The following UBAC2 variants were observed in gnomAD, a reference collection of about 807,000 sequenced individuals.
UBAC2 encodes ubiquitin-associated domain-containing protein 2.
In UBAC2, 26 loss-of-function variants were observed where a neutral mutation model predicts 44.0. The ratio of observed to expected loss-of-function variants is 0.59; its 90% CI spans 0.43 to 0.82. The LOEUF (loss-of-function observed/expected upper bound fraction) is 0.82, where lower values mean the gene tolerates loss of function less well. Among genes scored for constraint, UBAC2 ranks in the 40% least tolerant of loss-of-function variants. UBAC2 has a pLI of 0.00. For synonymous variants in UBAC2, 155 were observed against 154.3 expected, an observed-to-expected ratio of 1.00 and a Z score of -0.04; for missense variants, 329 against 419.4, an observed-to-expected ratio of 0.78 and a Z score of 1.88.
At chr13:99,338,037 TTCTTTTTTTC>T (rs2044817682) in intron 6 of UBAC2, among the ~76,000 whole-genome samples, 1 of 44,078 alleles carries the variant, frequency 2.3e-5, no homozygotes, top group African/African-American at 6.0e-5. Flanking sequence ...CTAACTTTTT[TTCTTTTTTTC>T]TTTTTTTTTT....
chr13:99,232,405 G>GATATATATATATAT (rs145868043), intron 1 of UBAC2, among the ~76,000 whole-genome samples: 6 of 117,862 alleles, frequency 5.1e-5, no homozygotes, highest in African/African-American at 1.7e-4. Context: ...GAGAGATATA[G>GATATATATATATAT]ATATATATAT....
rs368466610 is a variant in UBAC2 at position 99,378,086 on chromosome 13, T to C, written c.928-7142T>C. On this transcript the variant is annotated intron_variant, in intron 8 of 8. Transcript: ENST00000403766. The stretch of plus-strand genomic sequence containing the variant: ...TTCAGTAAGCCCATCACATATTTTC[T>C]CTGTGTCGTCTGTAGACACTTTTTC... Among the ~76,000 whole-genome samples, 3 of 152,254 alleles carry C rather than the reference T, an allele frequency of 2.0e-5. No individual in the cohort carries two copies. The East Asian group carries it at 5.8e-4, about 29-fold the overall frequency.
At chr13:99,381,723 C>T (rs1470079647) in intron 8 of UBAC2, among the ~76,000 whole-genome samples, 4 of 152,202 alleles carry the variant, frequency 2.6e-5, no homozygotes, top group Non-Finnish European at 5.9e-5. Flanking sequence ...CATATCCAGC[C>T]TGAGTCCTCC....
rs2043265157 is a variant in UBAC2 at position 99,238,494 on chromosome 13, C to T, written c.99C>T (p.Leu33=). 1.2e-6 allele frequency: 2 copies of T among 1,614,012 alleles called. No individual in the cohort carries two copies. The highest frequency in any genetic ancestry group is 1.7e-6 in the Non-Finnish European group (2 of 1,179,938). ...CCCTCTCCCTCCTGCTCGCCCTCCT[C>T]CTGCCTCACTGCCAGAAGCTCTTTG... ...PSALSLLLAL[L]LPHCQKLFVY... is the part of the protein sequence containing the mutation. The change falls in exon 2 of 9, where the codon CTC becomes CTT. Residue 33 remains leucine, a synonymous_variant. Transcript: ENST00000403766.
chr13:99,325,269 A>C (rs185101507), intron 6 of UBAC2, among the ~76,000 whole-genome samples: 1 of 151,584 alleles, frequency 6.6e-6, no homozygotes, highest in African/African-American at 2.4e-5. Flanking sequence ...TGCCCAGCTA[A>C]TTTTTTTGTG....
chr13:99,376,880 T>C (rs2138919669), intron 8 of UBAC2: 1 of 152,328 alleles, frequency 6.6e-6, no homozygotes, highest in Non-Finnish European at 1.5e-5. Flanking sequence ...GAACACCTTT[T>C]TAGAAAATTT....
At chr13:99,204,044 G>A (rs575594637) in intron 1 of UBAC2, among the ~76,000 whole-genome samples, 4 of 152,270 alleles carry the variant, frequency 2.6e-5, no homozygotes, top group South Asian at 4.1e-4. Context: ...TCAGCTCTAC[G>A]TTGAGTAATA....
chr13:99,317,610 A>G (rs1243562389), intron 5 of UBAC2, among the ~76,000 whole-genome samples: 1 of 152,226 alleles, frequency 6.6e-6, no homozygotes, highest in African/African-American at 2.4e-5. Flanking sequence ...TTAAAATGAG[A>G]AAGTTATTTA....
chr13:99,318,084 C>A lies in UBAC2; in HGVS notation c.561+15C>A, dbSNP rs746227780. 4.4e-6 allele frequency: 7 copies of A among 1,604,036 alleles called. No individual in the cohort carries two copies. The highest frequency in any genetic ancestry group is 1.3e-5 in the African/African-American group (1 of 74,468). On this transcript the variant is annotated intron_variant, in intron 6 of 8. Coordinates refer to ENST00000403766, the MANE Select transcript of UBAC2 (RefSeq NM_001144072.2). ...TAAGTGGACTTGTAAGTGTGACTAC[C>A]CTTTTACACCCAATTCTCTCTCTCT...
Position 99,237,354 on chromosome 13 carries a change from G to A in UBAC2, c.32-1073G>A, listed in dbSNP as rs73565932. 4.3e-3 allele frequency among the ~76,000 whole-genome samples: 658 copies of A among 151,954 alleles called. 5 individuals are homozygous for A. Among genetic ancestry groups the A allele is most frequent in the African/African-American group, 0.015 (634 of 41,450 alleles). ...AAATCCTGTCATTTGCAGCCACATG[G>A]ATGGAACTAGAAGACATGTAAGTGA... is the stretch of plus-strand genomic sequence containing the variant. On this transcript the variant is annotated intron_variant, in intron 1 of 8. Transcript: ENST00000403766.
intron 4 of UBAC2, among the ~76,000 whole-genome samples, chr13:99,257,472 G>A (rs796646610): frequency 6.6e-6 from 1 of 151,930 alleles, no homozygotes; most frequent in African/African-American, 2.4e-5. Context: ...AAACCATCTT[G>A]AGTCTTTTTT....
chr13:99,301,600 G>A (rs762633324), intron 4 of UBAC2, among the ~76,000 whole-genome samples: 9 of 151,532 alleles, frequency 5.9e-5, no homozygotes, highest in Non-Finnish European at 1.2e-4. Flanking sequence ...TTGCATAACC[G>A]GACATGTTGA....
At chr13:99,315,116 A>G (rs112520636) in intron 5 of UBAC2, among the ~76,000 whole-genome samples, 1 of 152,106 alleles carries the variant, frequency 6.6e-6, no homozygotes, top group Non-Finnish European at 1.5e-5. Flanking sequence ...TCAATGGCTC[A>G]TCTGGGGCGT....
At position 99,367,482 on chromosome 13, in the gene UBAC2, C is replaced by T. The variant is rs550059220; in HGVS notation, c.808-305C>T. ...TTGGGACAGTCAGTGGCGTCACAGT[C>T]GGGCTGAAATTAGGAGTGTCTGTAC... On this transcript the variant is annotated intron_variant, in intron 7 of 8. Transcript: ENST00000403766. 7.2e-5 allele frequency among the ~76,000 whole-genome samples: 11 copies of T among 152,208 alleles called. No homozygotes were observed. In the South Asian group the frequency reaches 1.9e-3, roughly 26 times the overall value.
chr13:99,358,435 A>G (rs746579679), intron 7 of UBAC2, among the ~76,000 whole-genome samples: 1 of 152,250 alleles, frequency 6.6e-6, no homozygotes, highest in Non-Finnish European at 1.5e-5. Flanking sequence ...TAAGTCAGAC[A>G]TTAAAGAGAT....
intron 1 of UBAC2, chr13:99,215,489 C>A: frequency 1.0e-5 from 15 of 1,447,716 alleles, no homozygotes; most frequent in Non-Finnish European, 1.4e-5. Context: ...GCACGAATAG[C>A]AAGTTGCAAG....
At chr13:99,247,770 T>G (rs1412952342) in intron 4 of UBAC2, among the ~76,000 whole-genome samples, 1 of 152,194 alleles carries the variant, frequency 6.6e-6, no homozygotes, top group Non-Finnish European at 1.5e-5. Flanking sequence ...CTTTACAGCT[T>G]TCAGTGTTTT....
intron 1 of UBAC2, among the ~76,000 whole-genome samples, chr13:99,232,420 A>ATATT (rs1438082766): frequency 7.0e-6 from 1 of 142,622 alleles, no homozygotes; most frequent in African/African-American, 2.6e-5. Context: ...ATATATATAT[A>ATATT]TTCACACACA....
chr13:99,294,219 G>A (rs914178067), intron 4 of UBAC2, among the ~76,000 whole-genome samples: 3 of 152,138 alleles, frequency 2.0e-5, no homozygotes, highest in African/African-American at 7.2e-5. Context: ...AGTACTAACA[G>A]CTTGGGGGAA....
Sources: allele counts gnomAD v4.1 joint callset (sites outside exome capture counted in the v4.1 genomes callset), GRCh38; gene constraint gnomAD v4.1.1; transcripts MANE v1.5; gene names NCBI Gene and HGNC (gene_info 2026-07-23, HGNC 2026-07-21).